The following DNER variants were observed in gnomAD, a reference collection of about 807,000 sequenced individuals.
The protein encoded by DNER is delta/notch like EGF repeat containing, also known as delta and Notch-like epidermal growth factor-related receptor.
A neutral mutation model predicts 78.2 loss-of-function variants in DNER; 33 were observed. The observed-to-expected ratio is 0.42, with a 90% CI of 0.32 to 0.56. The LOEUF (loss-of-function observed/expected upper bound fraction) is 0.56, where lower values mean the gene tolerates loss of function less well. Among genes scored for constraint, DNER ranks in the 20% least tolerant of loss-of-function variants. The pLI is 0.11. For missense variants in DNER, 918 were observed against 975.3 expected (o/e 0.94, Z 0.78); for synonymous variants, 417 against 384.8 (o/e 1.08, Z -0.98).
At chr2:229,579,839 A>G (rs1402113518) in intron 4 of DNER, among the ~76,000 whole-genome samples, 2 of 151,862 alleles carry the variant, frequency 1.3e-5, no homozygotes, top group Non-Finnish European at 2.9e-5. Flanking sequence ...ATCTCCAGGG[A>G]AGCATCACTA....
chr2:229,689,506 A>T (rs942465749), intron 1 of DNER, among the ~76,000 whole-genome samples: 5 of 152,250 alleles, frequency 3.3e-5, no homozygotes, highest in Admixed American at 2.6e-4. Flanking sequence ...CTGGAGATGT[A>T]ACCTGGCAGG....
chr2:229,377,483 T>G (rs1318201314), intron 11 of DNER, among the ~76,000 whole-genome samples: 1 of 152,240 alleles, frequency 6.6e-6, no homozygotes, highest in East Asian at 1.9e-4. Context: ...AAAATTATAA[T>G]CAGTCCCAAG....
At chr2:229,394,029 A>T (rs2106338610) in intron 10 of DNER, among the ~76,000 whole-genome samples, 1 of 152,294 alleles carries the variant, frequency 6.6e-6, no homozygotes, top group South Asian at 2.1e-4. Context: ...GTAACCACAG[A>T]TTCAAGATGT....
intron 1 of DNER, chr2:229,701,665 T>C (rs1057183827): frequency 9.8e-5 from 15 of 152,362 alleles, no homozygotes; most frequent in Admixed American, 8.5e-4. Context: ...TTTGAAACTT[T>C]TGAGCCATTC....
intron 7 of DNER, among the ~76,000 whole-genome samples, chr2:229,465,697 A>C (rs1694790227): frequency 6.6e-6 from 1 of 152,218 alleles, no homozygotes; most frequent in Admixed American, 6.5e-5. Context: ...CTTAAAATTC[A>C]AAAAGCAAAA....
chr2:229,381,588 G>A (rs1692737594), intron 11 of DNER, among the ~76,000 whole-genome samples: 1 of 152,066 alleles, frequency 6.6e-6, no homozygotes, highest in African/African-American at 2.4e-5. Flanking sequence ...GAAGCTTGGT[G>A]GGGGGAGGGG....
chr2:229,699,476 C>T (rs1490878101), intron 1 of DNER, among the ~76,000 whole-genome samples: 1 of 152,130 alleles, frequency 6.6e-6, no homozygotes, highest in Non-Finnish European at 1.5e-5. Flanking sequence ...AGCGATTCTC[C>T]CACCTCAGCC....
chr2:229,564,932 G>A (rs1246963806), intron 4 of DNER, among the ~76,000 whole-genome samples: 1 of 152,140 alleles, frequency 6.6e-6, no homozygotes, highest in East Asian at 1.9e-4. Context: ...CTCACAGATG[G>A]TCATCTTCTC....
intron 10 of DNER, among the ~76,000 whole-genome samples, chr2:229,399,004 A>G (rs562293818): frequency 6.6e-6 from 1 of 152,024 alleles, no homozygotes; most frequent in African/African-American, 2.4e-5. Flanking sequence ...CTTTTCCCCT[A>G]ATGTTGAAAA....
At chr2:229,658,070 C>T (rs1283556847) in intron 1 of DNER, among the ~76,000 whole-genome samples, 1 of 152,146 alleles carries the variant, frequency 6.6e-6, no homozygotes, top group East Asian at 1.9e-4. Context: ...ACACAAGCAG[C>T]TCGTCAGTCT....
intron 12 of DNER, among the ~76,000 whole-genome samples, chr2:229,365,036 A>G (rs954086153): frequency 6.6e-5 from 10 of 152,058 alleles, no homozygotes; most frequent in African/African-American, 2.4e-4. Context: ...TTAGGTAGAT[A>G]TAAGAAAACA....
In DNER at chr2:229,431,002, C is replaced by T. The variant is rs931209552; in HGVS notation, c.1487-12772G>A. 1.1e-3 allele frequency among the ~76,000 whole-genome samples: 160 copies of T among 152,080 alleles called. 1 individual carries two copies. The highest frequency in any genetic ancestry group is 3.6e-3 in the African/African-American group (149 of 41,496). On this transcript the variant is annotated intron_variant, in intron 8 of 12. Coordinates refer to ENST00000341772, the MANE Select transcript of DNER (RefSeq NM_139072.4). Reference sequence around the variant, plus strand: ...TGCAGGGAACAGACATTATAATAAACGCACTGCTAGTAAAGAAATTGTTTT... The same window carrying T: ...TGCAGGGAACAGACATTATAATAAATGCACTGCTAGTAAAGAAATTGTTTT...
chr2:229,384,499 T>C (rs1178692845), intron 11 of DNER, among the ~76,000 whole-genome samples: 1 of 151,904 alleles, frequency 6.6e-6, no homozygotes, highest in Non-Finnish European at 1.5e-5. Flanking sequence ...ATTTACAAAA[T>C]AGATAGACCA....
intron 1 of DNER, among the ~76,000 whole-genome samples, chr2:229,703,386 A>G (rs1699780715): frequency 6.6e-6 from 1 of 152,224 alleles, no homozygotes; most frequent in Non-Finnish European, 1.5e-5. Context: ...CACCACATAG[A>G]AAGAGACGAT....
intron 10 of DNER, among the ~76,000 whole-genome samples, chr2:229,393,199 G>T (rs765842297): frequency 6.6e-6 from 1 of 152,084 alleles, no homozygotes; most frequent in East Asian, 1.9e-4. Context: ...AGTCTGAGGC[G>T]GGCTGATCAC....
intron 8 of DNER, among the ~76,000 whole-genome samples, chr2:229,438,450 G>A (rs1005593630): frequency 2.0e-5 from 3 of 152,118 alleles, no homozygotes; most frequent in South Asian, 2.1e-4. Context: ...TATCACCTCC[G>A]CCTCCTGTTG....
At chr2:229,582,928 C>G (rs1182485224) in intron 4 of DNER, among the ~76,000 whole-genome samples, 2 of 152,122 alleles carry the variant, frequency 1.3e-5, no homozygotes, top group East Asian at 3.8e-4. Flanking sequence ...CACGAGCCAC[C>G]GCGCCTGACC....
chr2:229,379,240 C>T (rs1692680450), intron 11 of DNER, among the ~76,000 whole-genome samples: 1 of 152,016 alleles, frequency 6.6e-6, no homozygotes, highest in Non-Finnish European at 1.5e-5. Context: ...TATAGTAGTA[C>T]AGAAAAAATA....
chr2:229,588,429 C>G lies in DNER; in HGVS notation c.645G>C (p.Leu215=). The G allele has an allele frequency of 6.2e-7, 1 of 1,611,754 alleles. No homozygotes were observed. The highest frequency in any genetic ancestry group is 1.1e-5 in the South Asian group (1 of 91,008). ...ASSNSSAGGR[L]VSFEVPQNTS... ...TGTTCTGTGGCACTTCAAAGGATAC[C>G]AGGCGGCCACCCGCAGAGCTGTTAG... Residue 215 remains leucine (L), a synonymous_variant, in exon 3 of 13, where the codon CTG becomes CTC. Coordinates refer to ENST00000341772, the MANE Select transcript of DNER (RefSeq NM_139072.4).
Sources: allele counts gnomAD v4.1 joint callset (sites outside exome capture counted in the v4.1 genomes callset), GRCh38; gene constraint gnomAD v4.1.1; transcripts MANE v1.5; gene names NCBI Gene and HGNC (gene_info 2026-07-23, HGNC 2026-07-21).